SYNPO2: variants seen among roughly 807,000 people sequenced by gnomAD.
The protein encoded by SYNPO2 is synaptopodin 2, also known as synaptopodin-2.
A neutral mutation model predicts 85.0 loss-of-function variants in SYNPO2; 56 were observed. The observed-to-expected ratio is 0.66, with a 90% CI of 0.53 to 0.82. SYNPO2 has a LOEUF of 0.82. Ranked by LOEUF, SYNPO2 falls within the 40% of genes least tolerant of loss-of-function variation. SYNPO2 has a pLI of 0.00. For missense variants in SYNPO2, 1,575 were observed against 1,534.2 expected (o/e 1.03, Z -0.44); for synonymous variants, 602 against 591.1 (o/e 1.02, Z -0.27).
chr4:118,927,704 A>T (rs755634480), intron 1 of SYNPO2, among the ~76,000 whole-genome samples: 1 of 97,724 alleles, frequency 1.0e-5, no homozygotes, highest in African/African-American at 4.1e-5. Flanking sequence ...AATGAGATAG[A>T]TAGATAGATA....
chr4:119,049,164 C>A (rs1012674331), intron 4 of SYNPO2, among the ~76,000 whole-genome samples: 1 of 152,144 alleles, frequency 6.6e-6, no homozygotes, highest in African/African-American at 2.4e-5. Flanking sequence ...GAGCAGTCAA[C>A]ACTGATTCCC....
At chr4:118,927,656 G>A (rs911016119) in intron 1 of SYNPO2, among the ~76,000 whole-genome samples, 21 of 151,982 alleles carry the variant, frequency 1.4e-4, no homozygotes, top group Admixed American at 2.6e-4. Flanking sequence ...TACAGAGTTT[G>A]CAAATGCTGT....
intron 1 of SYNPO2, among the ~76,000 whole-genome samples, chr4:118,936,658 G>T (rs77155619): frequency 1.3e-5 from 2 of 151,996 alleles, no homozygotes; most frequent in Admixed American, 6.6e-5. Context: ...CTGTTCTATG[G>T]GGGTAGACAG....
At position 118,876,286 on chromosome 4, in the gene SYNPO2, T is replaced by G. The variant is rs78856694; in HGVS notation, c.12+25346T>G. On this transcript the variant is annotated intron_variant, in intron 1 of 4. Transcript: ENST00000610556. ...AGCATGTTTTTGCCCTGCCTCCCACTCTTCCTGCTTTTCAAGTAACTGTCT... is the reference window on the plus strand; with the variant it reads ...AGCATGTTTTTGCCCTGCCTCCCACGCTTCCTGCTTTTCAAGTAACTGTCT... Among the ~76,000 whole-genome samples the G allele has an allele frequency of 5.3e-5, 8 of 152,304 alleles. No homozygotes were observed. The East Asian group carries it at 1.5e-3, about 29-fold the overall frequency.
chr4:118,920,555 A>G (rs1048710142), intron 1 of SYNPO2, among the ~76,000 whole-genome samples: 1 of 152,180 alleles, frequency 6.6e-6, no homozygotes, highest in African/African-American at 2.4e-5. Flanking sequence ...TAAGAACAAA[A>G]TAATCCACCA....
intron 1 of SYNPO2, among the ~76,000 whole-genome samples, chr4:118,856,155 T>C (rs1731501446): frequency 6.6e-6 from 1 of 152,244 alleles, no homozygotes; most frequent in South Asian, 2.1e-4. Flanking sequence ...GAGCCATATA[T>C]ATTTTTTCAG....
In SYNPO2 at chr4:118,990,544, G is replaced by C. The variant is rs142117716; in HGVS notation, c.106-32886G>C. Among the ~76,000 whole-genome samples the C allele has an allele frequency of 3.3e-5, 5 of 152,326 alleles. No individual in the cohort carries two copies. In the East Asian group the frequency reaches 9.7e-4, roughly 29 times the overall value. ...ATCTTACCTTCCAGACAGAGTGACA[G>C]ACCAGACCAAACAAATAGACCCAGC... On this transcript the variant is annotated intron_variant, in intron 1 of 4. Transcript: ENST00000307142.
intron 1 of SYNPO2, among the ~76,000 whole-genome samples, chr4:118,892,415 A>G (rs1369128247): frequency 6.6e-6 from 1 of 152,236 alleles, no homozygotes; most frequent in Non-Finnish European, 1.5e-5. Flanking sequence ...TATATTTTCA[A>G]GAGATTATAA....
At chr4:119,037,086 T>C in intron 4 of SYNPO2, 1 of 1,528,682 alleles carries the variant, frequency 6.5e-7, no homozygotes, top group Non-Finnish European at 8.8e-7. Context: ...GACATGTTTA[T>C]CTAAATTATG....
chr4:118,973,493 C>A (rs943563801), intron 1 of SYNPO2, among the ~76,000 whole-genome samples: 5 of 151,990 alleles, frequency 3.3e-5, no homozygotes, highest in Admixed American at 6.6e-5. Context: ...GAATTAATCC[C>A]TGTGCATGTC....
At chr4:119,042,174 T>A (rs941888428) in intron 4 of SYNPO2, 1 of 152,166 alleles carries the variant, frequency 6.6e-6, no homozygotes, top group Non-Finnish European at 1.5e-5. Context: ...TCCCTCTCAG[T>A]GCTTCACAGG....
At chr4:118,884,028 A>G (rs1034523041), upstream of SYNPO2, among the ~76,000 whole-genome samples, 1 of 152,214 alleles carries the variant, frequency 6.6e-6, no homozygotes, top group African/African-American at 2.4e-5. Context: ...GGGTGACACA[A>G]TATGACCCAG....
intron 1 of SYNPO2, among the ~76,000 whole-genome samples, chr4:118,877,830 T>C (rs935521419): frequency 2.0e-5 from 3 of 152,186 alleles, no homozygotes; most frequent in Non-Finnish European, 2.9e-5. Context: ...AGAATTACCA[T>C]TCAGCTCAGC....
At chr4:118,951,569 C>T (rs1369416244) in intron 1 of SYNPO2, among the ~76,000 whole-genome samples, 2 of 152,076 alleles carry the variant, frequency 1.3e-5, no homozygotes, top group Non-Finnish European at 2.9e-5. Flanking sequence ...TCTGTAGTTT[C>T]AAAAAGTATG....
chr4:118,930,740 C>A (rs1733900993), intron 1 of SYNPO2, among the ~76,000 whole-genome samples: 2 of 122,218 alleles, frequency 1.6e-5, no homozygotes, highest in African/African-American at 5.9e-5. Flanking sequence ...CATAGGAAGA[C>A]CCCATATCTA....
intron 1 of SYNPO2, among the ~76,000 whole-genome samples, chr4:118,958,741 G>A (rs1489468707): frequency 1.3e-5 from 2 of 152,142 alleles, no homozygotes; most frequent in African/African-American, 2.4e-5. Flanking sequence ...TGCTTTGGTC[G>A]TCATGTTTCT....
At chr4:118,911,942 A>T (rs1383440161) in intron 1 of SYNPO2, among the ~76,000 whole-genome samples, 1 of 152,242 alleles carries the variant, frequency 6.6e-6, no homozygotes, top group African/African-American at 2.4e-5. Flanking sequence ...GATCAAGTCT[A>T]GGTGCAAAAT....
chr4:118,956,629 T>C (rs1217172366), intron 1 of SYNPO2, among the ~76,000 whole-genome samples: 1 of 152,108 alleles, frequency 6.6e-6, no homozygotes, highest in Non-Finnish European at 1.5e-5. Flanking sequence ...GAAGAAAGCT[T>C]GGTGGGAGTT....
chr4:118,866,113 T>G lies in SYNPO2; in HGVS notation c.12+15173T>G, dbSNP rs969255593. Among the ~76,000 whole-genome samples the G allele has an allele frequency of 6.6e-5, 10 of 152,326 alleles. No individual in the cohort carries two copies. In the East Asian group the frequency reaches 1.9e-3, roughly 29 times the overall value. On this transcript the variant is annotated intron_variant, in intron 1 of 4. Coordinates refer to the SYNPO2 transcript ENST00000610556. ...TAAGAATTATAAACCCCTTGATGCA[T>G]GTGTATGTTTGTCTCCAGTTTTGTC... is the stretch of plus-strand genomic sequence containing the variant.
Sources: gnomAD v4.1 joint callset for allele counts (sites outside exome capture counted in the v4.1 genomes callset) on GRCh38, gnomAD v4.1.1 for gene constraint, MANE v1.5 for transcripts, NCBI Gene and HGNC (gene_info 2026-07-23, HGNC 2026-07-21) for gene names.